Variants in CIMAP1D observed in about 807,000 individuals in gnomAD.
The protein encoded by CIMAP1D is protein CIMAP1D.
chr19:474,819 G>A, the CIMAP1D span: 16 of 1,296,728 alleles, frequency 1.2e-5, no homozygotes, highest in African/African-American at 4.6e-5. Flanking sequence ...CAGCTCTGGC[G>A]GCCACAGGCC....
chr19:465,249 G>A, the CIMAP1D span, among the ~76,000 whole-genome samples: 6 of 137,536 alleles, frequency 4.4e-5, no homozygotes, highest in Non-Finnish European at 8.1e-5. Context: ...GGAGGGGCGG[G>A]TGGATGGGTG....
chr19:466,403 T>C, the CIMAP1D span, among the ~76,000 whole-genome samples: 381 of 132,324 alleles, frequency 2.9e-3, 2 homozygotes, highest in Middle Eastern at 5.1e-3. Context: ...GATGGGTGGA[T>C]ACAAGGTTAG....
chr19:487,433 C>T, the CIMAP1D span, among the ~76,000 whole-genome samples: 1 of 152,182 alleles, frequency 6.6e-6, no homozygotes, highest in African/African-American at 2.4e-5. Flanking sequence ...TAAGCTCCTT[C>T]GGGCCGAGGT....
At chr19:472,615 T>C in the CIMAP1D span, 1 of 727,286 alleles carries the variant, frequency 1.4e-6, no homozygotes, top group Non-Finnish European at 2.1e-6. Context: ...TGGTGAGGAT[T>C]GGGGGCCCCG....
chr19:468,685 C>T, the CIMAP1D span, among the ~76,000 whole-genome samples: 2 of 152,214 alleles, frequency 1.3e-5, 1 homozygote, highest in Middle Eastern at 6.3e-3. Context: ...GTGACAGATG[C>T]GCAGGCACCT....
the CIMAP1D span, among the ~76,000 whole-genome samples, chr19:473,457 A>G: frequency 3.2e-5 from 3 of 94,744 alleles, no homozygotes; most frequent in African/African-American, 7.3e-5. Context: ...GGGGAGACTG[A>G]GGCCTGAGCC....
At chr19:481,324 AGAAGGATGATGGAGAAGGATGATGG>A in the CIMAP1D span, among the ~76,000 whole-genome samples, 1 of 76,374 alleles carries the variant, frequency 1.3e-5, no homozygotes. Flanking sequence ...ACGATGATGG[AGAAGGATGATGGAGAAGGATGATGG>A]GAAGGATGAT....
chr19:463,583 ACCTGGCCTGG>A, the CIMAP1D span: 4 of 536,858 alleles, frequency 7.5e-6, no homozygotes, highest in Non-Finnish European at 9.6e-6. Flanking sequence ...CCCTTTCCCC[ACCTGGCCTGG>A]CCTGGCCTGG....
the CIMAP1D span, chr19:463,515 G>A: frequency 2.4e-6 from 1 of 414,568 alleles, no homozygotes; most frequent in Non-Finnish European, 4.3e-6. Flanking sequence ...TGGACGCCGA[G>A]TTCTGGGACA....
At chr19:474,843 C>T in the CIMAP1D span, 2 of 1,087,664 alleles carry the variant, frequency 1.8e-6, no homozygotes, top group East Asian at 3.2e-5. Flanking sequence ...GCACCGTCCC[C>T]ACCTTCACGG....
chr19:475,155 G>A, the CIMAP1D span, among the ~76,000 whole-genome samples: 9 of 152,284 alleles, frequency 5.9e-5, no homozygotes, highest in East Asian at 5.8e-4. Context: ...CGTGGGTGGC[G>A]TGGCCCCGTT....
chr19:474,424 C>T, the CIMAP1D span, among the ~76,000 whole-genome samples: 1 of 152,226 alleles, frequency 6.6e-6, no homozygotes, highest in Non-Finnish European at 1.5e-5. Flanking sequence ...TTCCGTTGGA[C>T]AGACACATAC....
the CIMAP1D span, among the ~76,000 whole-genome samples, chr19:481,695 C>G: frequency 6.6e-6 from 1 of 151,676 alleles, no homozygotes; most frequent in Admixed American, 6.6e-5. Flanking sequence ...TCATCTTCAC[C>G]AAGCTCATGG....
the CIMAP1D span, among the ~76,000 whole-genome samples, chr19:477,802 G>A: frequency 4.6e-5 from 7 of 152,196 alleles, no homozygotes; most frequent in African/African-American, 1.4e-4. Flanking sequence ...AGCTGGGACT[G>A]CAGACACGCG....
the CIMAP1D span, among the ~76,000 whole-genome samples, chr19:478,450 C>T: frequency 1.9e-5 from 2 of 104,698 alleles, no homozygotes; most frequent in African/African-American, 1.1e-4. Flanking sequence ...GGGAAGCCGG[C>T]CAAGCCGACA....
the CIMAP1D span, chr19:463,937 A>T: frequency 6.2e-7 from 1 of 1,611,522 alleles, no homozygotes; most frequent in Non-Finnish European, 8.5e-7. Flanking sequence ...GGATGCCCAT[A>T]GAGAACGCTG....
the CIMAP1D span, among the ~76,000 whole-genome samples, chr19:475,842 C>T: frequency 4.6e-5 from 7 of 151,170 alleles, no homozygotes; most frequent in Non-Finnish European, 8.8e-5. Flanking sequence ...GGTGCGATCT[C>T]GGCTCACTGC....
At chr19:491,547 G>A in the CIMAP1D span, among the ~76,000 whole-genome samples, 1 of 152,014 alleles carries the variant, frequency 6.6e-6, no homozygotes, top group South Asian at 2.1e-4. Flanking sequence ...GGGTGAGCCT[G>A]GAGATGCCCC....
the CIMAP1D span, among the ~76,000 whole-genome samples, chr19:479,963 C>T: frequency 6.6e-6 from 1 of 152,188 alleles, no homozygotes; most frequent in African/African-American, 2.4e-5. Flanking sequence ...TACGTTTGTC[C>T]CTTCGTTCAG....
Sources: allele counts gnomAD v4.1 joint callset (sites outside exome capture counted in the v4.1 genomes callset), GRCh38; gene constraint gnomAD v4.1.1; transcripts MANE v1.5; gene names NCBI Gene and HGNC (gene_info 2026-07-23, HGNC 2026-07-21).